GABPA: variants seen among roughly 807,000 people sequenced by gnomAD.
GABPA encodes the protein GA-binding protein alpha chain.
GABPA carries 4 observed loss-of-function variants against 59.4 expected under a neutral mutation model. The observed-to-expected ratio is 0.07, with a 90% CI of 0.03 to 0.15. GABPA has a LOEUF of 0.15. Among genes scored for constraint, GABPA ranks in the 10% least tolerant of loss-of-function variants. The probability of loss-of-function intolerance (pLI) is 1.00; values close to 1 mark genes in which losing one functional copy is unlikely to be tolerated. For missense variants in GABPA, 251 were observed against 543.8 expected (o/e 0.46, Z 5.36); for synonymous variants, 164 against 183.1 (o/e 0.90, Z 0.84).
intron 4 of GABPA, among the ~76,000 whole-genome samples, chr21:25,750,735 T>G (rs2035488833): frequency 6.6e-6 from 1 of 152,192 alleles, no homozygotes; most frequent in African/African-American, 2.4e-5. Context: ...CAGGACTGAT[T>G]ATTGGGAATA....
At chr21:25,753,564 T>A (rs2035564368) in intron 5 of GABPA, among the ~76,000 whole-genome samples, 1 of 152,162 alleles carries the variant, frequency 6.6e-6, no homozygotes, top group South Asian at 2.1e-4. Flanking sequence ...TGGTCAAGAC[T>A]CTCAGATGCT....
chr21:25,754,379 T>C (rs1240403914), intron 5 of GABPA, among the ~76,000 whole-genome samples: 1 of 152,174 alleles, frequency 6.6e-6, no homozygotes, highest in Non-Finnish European at 1.5e-5. Context: ...CCTGTGTTCT[T>C]TTTGCTGGAA....
At chr21:25,746,753 TTTAATATCTG>T (rs2035376577) in intron 3 of GABPA, among the ~76,000 whole-genome samples, 1 of 152,186 alleles carries the variant, frequency 6.6e-6, no homozygotes, top group African/African-American at 2.4e-5. Context: ...CCACCTCCCA[TTTAATATCTG>T]TTAATGTTAA....
chr21:25,759,106 G>A (rs1214635861), intron 6 of GABPA, among the ~76,000 whole-genome samples: 1 of 152,018 alleles, frequency 6.6e-6, no homozygotes, highest in Non-Finnish European at 1.5e-5. Context: ...AAACTACTTG[G>A]CTGTCCAAGA....
intron 1 of GABPA, among the ~76,000 whole-genome samples, chr21:25,739,014 G>A (rs111786830): frequency 2.0e-5 from 3 of 152,258 alleles, no homozygotes; most frequent in African/African-American, 7.2e-5. Context: ...AGATATGCAC[G>A]TGAACAGAAT....
intron 9 of GABPA, among the ~76,000 whole-genome samples, chr21:25,765,906 C>T (rs1010971010): frequency 6.6e-6 from 1 of 151,854 alleles, no homozygotes; most frequent in African/African-American, 2.4e-5. Context: ...AAAAATCAAA[C>T]TAAGTTTTTC....
At chr21:25,752,791 T>A (rs967285148) in intron 5 of GABPA, among the ~76,000 whole-genome samples, 31 of 152,188 alleles carry the variant, frequency 2.0e-4, no homozygotes, top group African/African-American at 7.5e-4. Flanking sequence ...GAAAAATGAA[T>A]ATGGTGGCAA....
Position 25,754,687 on chromosome 21 carries a change from T to C in GABPA, c.553+2453T>C, listed in dbSNP as rs150383665. On this transcript the variant is annotated intron_variant, in intron 5 of 9. Transcript: ENST00000400075. ...CTTGTGGATTCTGTTTTTCTTGTGG[T>C]TTTTGTTTGTGTTGTTTTTAACCTT... Among the ~76,000 whole-genome samples, 120 of 152,302 alleles carry C rather than the reference T, an allele frequency of 7.9e-4. 1 individual carries two copies. The Middle Eastern group carries it at 0.014, about 17-fold the overall frequency.
At chr21:25,739,251 T>C (rs184588539) in intron 1 of GABPA, among the ~76,000 whole-genome samples, 5 of 152,314 alleles carry the variant, frequency 3.3e-5, no homozygotes, top group East Asian at 1.9e-4. Flanking sequence ...TTGGAGATAT[T>C]GAGAACTTAG....
At chr21:25,756,995 A>G (rs942667124) in intron 5 of GABPA, among the ~76,000 whole-genome samples, 3 of 152,182 alleles carry the variant, frequency 2.0e-5, no homozygotes, top group Non-Finnish European at 2.9e-5. Context: ...TTTAGTCTCA[A>G]ATGGAATAGT....
At chr21:25,744,218 G>A (rs964599765) in intron 2 of GABPA, among the ~76,000 whole-genome samples, 2 of 151,904 alleles carry the variant, frequency 1.3e-5, no homozygotes, top group East Asian at 3.9e-4. Flanking sequence ...TAAGTCAAGT[G>A]CAATGGCACA....
chr21:25,745,498 T>C (rs1001103099), intron 3 of GABPA, 144 bp downstream of exon 3: 14 of 672,742 alleles, frequency 2.1e-5, no homozygotes, highest in Non-Finnish European at 2.5e-5. Context: ...TGTTTAGAAA[T>C]AAAAAGGTTT....
At chr21:25,745,441 C>A (rs2035336920) in intron 3 of GABPA, 87 bp downstream of exon 3, 3 of 1,220,182 alleles carry the variant, frequency 2.5e-6, no homozygotes, top group Non-Finnish European at 3.5e-6. Context: ...TAGCTATAGA[C>A]TTTATCTCTG....
Position 25,745,214 on chromosome 21 carries a change from G to A in GABPA, c.82G>A (p.Val28Ile). 1 of 1,612,718 alleles carries A rather than the reference G, an allele frequency of 6.2e-7. No individual in the cohort carries two copies. The change falls in exon 3 of 10, where the codon GTA becomes ATA. Residue 28 changes from valine to isoleucine, a missense_variant. By Grantham distance (29) the Val-to-Ile change is conservative. Transcript: ENST00000400075. Reference protein sequence around the residue: ...EKAECTEESIVEQTYAPAECV... With the variant: ...EKAECTEESIIEQTYAPAECV... The stretch of plus-strand genomic sequence containing the variant: ...ACTTACATCTTTAACATTTAGCATT[G>A]TAGAACAAACCTACGCGCCAGCTGA...
In GABPA at chr21:25,769,400, T is replaced by G. The variant is rs369063682; in HGVS notation, c.*168T>G. ...CTCTTGTGAATTTGGATCTTTTTACTTTGAGCATATATTTTAGAATATGTG... is the reference window on the plus strand; with the variant it reads ...CTCTTGTGAATTTGGATCTTTTTACGTTGAGCATATATTTTAGAATATGTG... On this transcript the variant is annotated 3_prime_UTR_variant, in exon 10 of 10. Transcript: ENST00000400075. The G allele has an allele frequency of 5.2e-6, 3 of 574,068 alleles. No individual in the cohort carries two copies. The allele number at this position is 574,068 out of a possible 1,614,324, so 35.6% of individuals were successfully genotyped here.
chr21:25,768,720 G>C (rs1017775123), intron 9 of GABPA, among the ~76,000 whole-genome samples: 1 of 151,880 alleles, frequency 6.6e-6, no homozygotes, highest in Non-Finnish European at 1.5e-5. Context: ...TTTTTGTTTT[G>C]TTTAATAATT....
At chr21:25,747,558 A>G (rs752345624) in intron 3 of GABPA, among the ~76,000 whole-genome samples, 45 of 152,342 alleles carry the variant, frequency 3.0e-4, no homozygotes, top group Middle Eastern at 3.4e-3. Context: ...CTTCATGTCA[A>G]TGCAAACATA....
chr21:25,744,694 T>A (rs1423356503), intron 2 of GABPA, among the ~76,000 whole-genome samples: 1 of 152,220 alleles, frequency 6.6e-6, no homozygotes, highest in Non-Finnish European at 1.5e-5. Context: ...TACATTTTTT[T>A]TTTAAACGTT....
At position 25,754,175 on chromosome 21, in the gene GABPA, A is replaced by G. The variant is rs148263263; in HGVS notation, c.553+1941A>G. Among the ~76,000 whole-genome samples, 188 of 152,358 alleles carry G rather than the reference A, an allele frequency of 1.2e-3. 2 individuals are homozygous for G. The East Asian group carries it at 0.035, about 28-fold the overall frequency. ...TTTCTAATTTTTTATATTAATTACC[A>G]GTTGAAATAACATTTGGAACATTAA... On this transcript the variant is annotated intron_variant, in intron 5 of 9. Coordinates refer to ENST00000400075, the MANE Select transcript of GABPA (RefSeq NM_002040.4).
Sources: gnomAD v4.1 joint callset for allele counts (sites outside exome capture counted in the v4.1 genomes callset) on GRCh38, gnomAD v4.1.1 for gene constraint, MANE v1.5 for transcripts, NCBI Gene and HGNC (gene_info 2026-07-23, HGNC 2026-07-21) for gene names.